The following KIF15 variants were observed in gnomAD, a reference collection of about 807,000 sequenced individuals.
KIF15 encodes the protein kinesin-like protein KIF15.
KIF15 carries 140 observed loss-of-function variants against 190.6 expected under a neutral mutation model. That is an observed-to-expected ratio of 0.73 (90% CI 0.64 to 0.84). The LOEUF (loss-of-function observed/expected upper bound fraction) is 0.84. Ranked by LOEUF, KIF15 falls within the 40% of genes least tolerant of loss-of-function variation. The probability of loss-of-function intolerance (pLI) is 0.00; values close to 1 mark genes in which losing one functional copy is unlikely to be tolerated. For missense variants in KIF15, 1,372 were observed against 1,584.4 expected (o/e 0.87, Z 2.28); for synonymous variants, 528 against 551.3 (o/e 0.96, Z 0.59).
At position 44,819,591 on chromosome 3, in the gene KIF15, G is replaced by A. The variant is rs147081117; in HGVS notation, c.2549+4515G>A. ...TCTTAATCCTGAGATCTAATTTATT[G>A]CACTGTGGTCTAAGAGACAGTTTGT... On this transcript the variant is annotated intron_variant, in intron 20 of 34. Coordinates refer to ENST00000326047, the MANE Select transcript of KIF15 (RefSeq NM_020242.3). 3.8e-3 allele frequency among the ~76,000 whole-genome samples: 586 copies of A among 152,296 alleles called. 2 individuals are homozygous for A. Among genetic ancestry groups the A allele is most frequent in the African/African-American group, 0.013 (550 of 41,552 alleles).
chr3:44,811,355 GT>G (rs1349948308), intron 17 of KIF15, among the ~76,000 whole-genome samples: 1 of 152,162 alleles, frequency 6.6e-6, no homozygotes, highest in Non-Finnish European at 1.5e-5. Flanking sequence ...GCTAAAAAAA[GT>G]TAAAAGAGGC....
rs755659426 is a variant in KIF15 at position 44,851,883 on chromosome 3, A to G, written c.3903A>G (p.Ala1301=). 1.2e-6 allele frequency: 2 copies of G among 1,614,096 alleles called. No homozygotes were observed. Among genetic ancestry groups the G allele is most frequent in the Admixed American group, 1.7e-5 (1 of 60,020 alleles). Residue 1301 remains alanine, a synonymous_variant, in exon 33 of 35, where the codon GCA becomes GCG. Coordinates refer to ENST00000326047, the MANE Select transcript of KIF15 (RefSeq NM_020242.3). ...VERTQTLESK[A]FQEKEQLRSK... ...GAACCCAAACTTTGGAGTCTAAAGC[A>G]TTCCAGGAAAAAGAACAACTGAGAT...
chr3:44,778,510 T>C (rs1706003248), intron 4 of KIF15, among the ~76,000 whole-genome samples: 1 of 152,198 alleles, frequency 6.6e-6, no homozygotes, highest in Non-Finnish European at 1.5e-5. Flanking sequence ...TTGACTCTTC[T>C]TCCTTAGTCA....
At chr3:44,842,765 C>T (rs553183480) in intron 29 of KIF15, among the ~76,000 whole-genome samples, 2 of 152,314 alleles carry the variant, frequency 1.3e-5, no homozygotes, top group South Asian at 2.1e-4. Context: ...GAGGGATGAG[C>T]TGTGACGTCA....
At chr3:44,813,347 T>C (rs1707881666) in intron 19 of KIF15, 167 bp downstream of exon 19, 5 of 482,358 alleles carry the variant, frequency 1.0e-5, no homozygotes, top group Non-Finnish European at 7.2e-6. Flanking sequence ...GTAACAGTAA[T>C]ATATCATAAA....
At chr3:44,851,636 C>T (rs1699060504) in intron 32 of KIF15, 151 bp from the exon 33 acceptor site, 5 of 554,914 alleles carry the variant, frequency 9.0e-6, no homozygotes, top group Non-Finnish European at 1.6e-5. Flanking sequence ...GTAGCACTTA[C>T]TGTCTTCTTT....
At chr3:44,795,384 C>A (rs1022723387) in intron 8 of KIF15, among the ~76,000 whole-genome samples, 2 of 152,128 alleles carry the variant, frequency 1.3e-5, no homozygotes, top group Non-Finnish European at 2.9e-5. Context: ...GAGAGGCAAG[C>A]AGGCCCGGAT....
At position 44,797,911 on chromosome 3, in the gene KIF15, A is replaced by G. The variant is rs781680296; in HGVS notation, c.1053A>G (p.Leu351=). 33 of 1,613,932 alleles carry G rather than the reference A, an allele frequency of 2.0e-5. No homozygotes were observed. The Admixed American group carries it at 2.2e-4, about 11-fold the overall frequency. ...HPGSRCFGET[L]STLNFAQRAK... ...GATCCAGGTGTTTTGGGGAAACCCTATCAACACTTAACTTTGCTCAAAGAG... is the reference window on the plus strand; with the variant it reads ...GATCCAGGTGTTTTGGGGAAACCCTGTCAACACTTAACTTTGCTCAAAGAG... The change falls in exon 10 of 35, where the codon CTA becomes CTG. Residue 351 remains leucine (L), a synonymous_variant. Coordinates refer to ENST00000326047, the MANE Select transcript of KIF15 (RefSeq NM_020242.3).
At chr3:44,851,002 C>T (rs1220149124) in intron 32 of KIF15, among the ~76,000 whole-genome samples, 3 of 152,188 alleles carry the variant, frequency 2.0e-5, no homozygotes, top group Non-Finnish European at 4.4e-5. Context: ...TGGTTCACAC[C>T]TGTAGTCCCA....
chr3:44,829,609 T>C (rs1289642466), intron 24 of KIF15, among the ~76,000 whole-genome samples: 39 of 128,588 alleles, frequency 3.0e-4, no homozygotes, highest in Admixed American at 6.0e-4. Context: ...TATGCATATA[T>C]ATTATATATG....
At chr3:44,775,047 C>T (rs1274598907) in intron 2 of KIF15, among the ~76,000 whole-genome samples, 2 of 151,932 alleles carry the variant, frequency 1.3e-5, no homozygotes, top group African/African-American at 4.8e-5. Context: ...TTGCAGTGAG[C>T]CAAGACTGCA....
In KIF15 at chr3:44,814,962, A is replaced by C. The variant is rs1707959329; in HGVS notation, c.2435A>C (p.Lys812Thr). Residue 812 changes from lysine (K) to threonine (T), a missense_variant, in exon 20 of 35, where the codon AAG (lysine) becomes ACG (threonine). By Grantham distance (78) the Lys-to-Thr change is moderately conservative (BLOSUM62 -1). Transcript: ENST00000326047. The part of the protein sequence containing the change: ...DLRVVLHSAD[K>T]ELSSVKLEYS... ...CGAGTAGTCCTTCATTCTGCTGACAAGGAGCTTTCTTCAGTGAAATTGGAA... is the reference window on the plus strand; with the variant it reads ...CGAGTAGTCCTTCATTCTGCTGACACGGAGCTTTCTTCAGTGAAATTGGAA... 6.2e-7 allele frequency: 1 copy of C among 1,612,814 alleles called. No homozygotes were observed. Among genetic ancestry groups the C allele is most frequent in the South Asian group, 1.1e-5 (1 of 90,692 alleles).
chr3:44,821,907 C>T (rs901615264), intron 20 of KIF15, among the ~76,000 whole-genome samples: 34 of 152,212 alleles, frequency 2.2e-4, no homozygotes, highest in Admixed American at 1.3e-3. Flanking sequence ...GGATCACTCG[C>T]GGTTAGGAGC....
intron 6 of KIF15, chr3:44,863,204 C>T (rs1699278483): frequency 1.3e-5 from 2 of 150,582 alleles, no homozygotes; most frequent in African/African-American, 4.9e-5. Context: ...AATTGAACAC[C>T]CTGGTGTAAG....
chr3:44,786,775 A>G (rs1314736711), intron 7 of KIF15, among the ~76,000 whole-genome samples: 1 of 152,156 alleles, frequency 6.6e-6, no homozygotes, highest in African/African-American at 2.4e-5. Flanking sequence ...CGAAAGGGCA[A>G]TTTATACAGA....
At chr3:44,864,886 G>A (rs1192727473) in intron 6 of KIF15, among the ~76,000 whole-genome samples, 1 of 152,172 alleles carries the variant, frequency 6.6e-6, no homozygotes, top group East Asian at 1.9e-4. Flanking sequence ...ATTGAATAGA[G>A]TGACTTGATG....
intron 19 of KIF15, 152 bp from the exon 20 acceptor site, chr3:44,814,759 A>G (rs1559557923): frequency 4.2e-6 from 2 of 476,398 alleles, no homozygotes; most frequent in African/African-American, 2.0e-5. Flanking sequence ...TAGAAATCTC[A>G]GTGCTGCTAG....
intron 20 of KIF15, among the ~76,000 whole-genome samples, chr3:44,822,334 C>G (rs564294955): frequency 6.6e-6 from 1 of 152,192 alleles, no homozygotes; most frequent in East Asian, 1.9e-4. Flanking sequence ...TATTGCCCCC[C>G]ACTCTCTTCT....
intron 1 of KIF15, among the ~76,000 whole-genome samples, chr3:44,771,452 A>G (rs903635094): frequency 2.0e-5 from 3 of 152,188 alleles, no homozygotes; most frequent in African/African-American, 7.2e-5. Flanking sequence ...CCATGTACCT[A>G]AACATGTCAG....
Sources: allele counts gnomAD v4.1 joint callset (sites outside exome capture counted in the v4.1 genomes callset), GRCh38; gene constraint gnomAD v4.1.1; transcripts MANE v1.5; gene names NCBI Gene and HGNC (gene_info 2026-07-23, HGNC 2026-07-21).